ARB2A: variants seen among roughly 807,000 people sequenced by gnomAD.
The protein encoded by ARB2A is ARB2 cotranscriptional regulator A, also known as cotranscriptional regulator ARB2A.
the ARB2A span, among the ~76,000 whole-genome samples, chr5:94,078,215 A>G: frequency 2.6e-5 from 4 of 152,348 alleles, no homozygotes; most frequent in Non-Finnish European, 5.9e-5. Flanking sequence ...TACAAAATAT[A>G]TCACAGAACA....
At chr5:93,712,713 T>G in the ARB2A span, among the ~76,000 whole-genome samples, 17 of 152,088 alleles carry the variant, frequency 1.1e-4, no homozygotes, top group African/African-American at 4.1e-4. Context: ...AATCTTAAAA[T>G]TTATATTGAA....
the ARB2A span, chr5:93,805,209 G>A: frequency 1.1e-5 from 11 of 984,870 alleles, no homozygotes; most frequent in African/African-American, 1.7e-4. Context: ...TGAGAACGGG[G>A]TTGAAATCAC....
At chr5:94,003,877 C>A in the ARB2A span, among the ~76,000 whole-genome samples, 3 of 151,892 alleles carry the variant, frequency 2.0e-5, no homozygotes, top group African/African-American at 4.8e-5. Flanking sequence ...GAAAAAGGAA[C>A]TAGAATAAAG....
chr5:94,072,473 T>C, the ARB2A span, among the ~76,000 whole-genome samples: 6 of 152,228 alleles, frequency 3.9e-5, no homozygotes, highest in East Asian at 1.2e-3. Context: ...CTATTAGCCA[T>C]ATAAGATGTT....
At chr5:94,038,565 T>C in the ARB2A span, among the ~76,000 whole-genome samples, 6 of 152,194 alleles carry the variant, frequency 3.9e-5, no homozygotes, top group Admixed American at 1.3e-4. Flanking sequence ...TATTCTTTTG[T>C]GTATTATGGC....
the ARB2A span, among the ~76,000 whole-genome samples, chr5:93,931,082 G>A: frequency 6.6e-6 from 1 of 152,082 alleles, no homozygotes; most frequent in African/African-American, 2.4e-5. Flanking sequence ...AAGAACATGT[G>A]GTGTTTGGTT....
At chr5:93,902,186 T>C in the ARB2A span, among the ~76,000 whole-genome samples, 1 of 151,996 alleles carries the variant, frequency 6.6e-6, no homozygotes, top group Non-Finnish European at 1.5e-5. Context: ...TTTATACAAA[T>C]AAAGGAAAAT....
chr5:93,766,939 A>G, the ARB2A span, among the ~76,000 whole-genome samples: 1 of 151,850 alleles, frequency 6.6e-6, no homozygotes, highest in Non-Finnish European at 1.5e-5. Flanking sequence ...TCTCGCAAGG[A>G]CAAAAAACCA....
the ARB2A span, among the ~76,000 whole-genome samples, chr5:93,928,282 T>C: frequency 1.3e-5 from 2 of 152,152 alleles, no homozygotes; most frequent in African/African-American, 2.4e-5. Flanking sequence ...ATTTCATTAG[T>C]TTGATTGAAG....
chr5:94,064,661 G>T, the ARB2A span, among the ~76,000 whole-genome samples: 1 of 152,134 alleles, frequency 6.6e-6, no homozygotes, highest in African/African-American at 2.4e-5. Flanking sequence ...GAACCTTACG[G>T]GCCAAGACGA....
the ARB2A span, among the ~76,000 whole-genome samples, chr5:93,917,817 G>A: frequency 6.6e-6 from 1 of 152,184 alleles, no homozygotes; most frequent in African/African-American, 2.4e-5. Flanking sequence ...GTTTGAGGTA[G>A]CAGTGGGCTG....
At chr5:93,708,303 T>C in the ARB2A span, among the ~76,000 whole-genome samples, 2 of 152,232 alleles carry the variant, frequency 1.3e-5, no homozygotes, top group Admixed American at 6.5e-5. Flanking sequence ...CTATAAGCTC[T>C]AGGAAGGCGA....
chr5:93,945,792 C>G, the ARB2A span, among the ~76,000 whole-genome samples: 2 of 151,984 alleles, frequency 1.3e-5, no homozygotes, highest in Admixed American at 6.6e-5. Context: ...AAGACATCAC[C>G]AAGTGCCAAA....
At chr5:93,773,409 A>C in the ARB2A span, among the ~76,000 whole-genome samples, 1 of 152,180 alleles carries the variant, frequency 6.6e-6, no homozygotes, top group Admixed American at 6.5e-5. Flanking sequence ...TCTGCAATGC[A>C]GGAAATGCTC....
the ARB2A span, among the ~76,000 whole-genome samples, chr5:93,835,734 A>ACTT: frequency 7.2e-5 from 11 of 152,194 alleles, no homozygotes; most frequent in Non-Finnish European, 1.5e-4. Flanking sequence ...ATGTGTACAT[A>ACTT]CACACACACA....
the ARB2A span, among the ~76,000 whole-genome samples, chr5:93,763,204 C>T: frequency 1.8e-3 from 268 of 151,718 alleles, 4 homozygotes; most frequent in East Asian, 0.024. Flanking sequence ...CAATATTAAC[C>T]TTAAATGCAA....
the ARB2A span, among the ~76,000 whole-genome samples, chr5:94,046,062 A>G: frequency 6.6e-6 from 1 of 152,182 alleles, no homozygotes; most frequent in Non-Finnish European, 1.5e-5. Context: ...AGAGAAGGAC[A>G]TTTCAAAGGG....
the ARB2A span, among the ~76,000 whole-genome samples, chr5:93,844,131 A>C: frequency 6.6e-6 from 1 of 151,182 alleles, no homozygotes; most frequent in Non-Finnish European, 1.5e-5. Flanking sequence ...AAAAAAAAAA[A>C]CAAAAAAAAA....
At chr5:93,864,117 T>C in the ARB2A span, among the ~76,000 whole-genome samples, 1 of 152,200 alleles carries the variant, frequency 6.6e-6, no homozygotes. Flanking sequence ...ACAGAAATAA[T>C]GGTTTTTAAT....
Sources: gnomAD v4.1 joint callset for allele counts (sites outside exome capture counted in the v4.1 genomes callset) on GRCh38, gnomAD v4.1.1 for gene constraint, MANE v1.5 for transcripts, NCBI Gene and HGNC (gene_info 2026-07-23, HGNC 2026-07-21) for gene names.